The following FSTL4 variants were observed in gnomAD, a reference collection of about 807,000 sequenced individuals.
FSTL4 encodes follistatin like 4.
In FSTL4, 28 loss-of-function variants were observed where a neutral mutation model predicts 78.2. That is an observed-to-expected ratio of 0.36 (90% CI 0.27 to 0.49). The LOEUF is 0.49. FSTL4 is among the 20% of genes least tolerant of loss of function. The pLI is 0.98. For synonymous variants in FSTL4, 422 were observed against 440.5 expected (o/e 0.96, Z 0.53); for missense variants, 922 against 1,084.9 (o/e 0.85, Z 2.11).
intron 4 of FSTL4, among the ~76,000 whole-genome samples, chr5:133,336,502 GT>G (rs1754468417): frequency 6.6e-6 from 1 of 152,232 alleles, no homozygotes; most frequent in Admixed American, 6.5e-5. Flanking sequence ...TCAGCGTTGA[GT>G]GCTGAGAGCT....
chr5:133,241,941 A>T (rs929807576), intron 7 of FSTL4, among the ~76,000 whole-genome samples: 1 of 152,184 alleles, frequency 6.6e-6, no homozygotes, highest in Non-Finnish European at 1.5e-5. Context: ...GGCTCATTTC[A>T]GGGACCAAGA....
the FSTL4 span, among the ~76,000 whole-genome samples, chr5:133,782,077 C>T: frequency 6.6e-6 from 1 of 152,224 alleles, no homozygotes; most frequent in African/African-American, 2.4e-5. Flanking sequence ...ACCCCCACTG[C>T]TTCTCTGAAA....
intron 15 of FSTL4, 43 bp downstream of exon 15, chr5:133,201,890 C>T: frequency 1.7e-6 from 2 of 1,153,606 alleles, no homozygotes; most frequent in East Asian, 2.4e-5. Flanking sequence ...CAGGGCTGAG[C>T]TGGAGCGGGG....
chr5:133,797,906 T>C, the FSTL4 span, among the ~76,000 whole-genome samples: 1 of 152,066 alleles, frequency 6.6e-6, no homozygotes, highest in Non-Finnish European at 1.5e-5. Flanking sequence ...GTCAGTCTGC[T>C]CTAAAAACAA....
At chr5:133,435,952 T>C (rs934942723) in intron 3 of FSTL4, among the ~76,000 whole-genome samples, 6 of 152,228 alleles carry the variant, frequency 3.9e-5, no homozygotes, top group African/African-American at 1.4e-4. Context: ...AATCTCCTTA[T>C]GCCATTTGGC....
chr5:133,247,331 A>G (rs918170166), intron 7 of FSTL4: 3 of 152,240 alleles, frequency 2.0e-5, no homozygotes, highest in Non-Finnish European at 4.4e-5. Context: ...TGCTGGAGGC[A>G]TGTTTGAGGG....
At chr5:133,235,821 G>C (rs115099833) in intron 7 of FSTL4, among the ~76,000 whole-genome samples, 2,971 of 152,280 alleles carry the variant, frequency 0.02, 47 homozygotes, top group Middle Eastern at 0.034. Context: ...AGTCATAAAA[G>C]GTTCATATCT....
At chr5:133,455,203 G>A (rs879377293) in intron 3 of FSTL4, among the ~76,000 whole-genome samples, 4 of 152,322 alleles carry the variant, frequency 2.6e-5, no homozygotes, top group Non-Finnish European at 4.4e-5. Context: ...CCCATGTTTA[G>A]ATTTCCTCCT....
At chr5:133,722,631 T>G in the FSTL4 span, among the ~76,000 whole-genome samples, 1 of 152,236 alleles carries the variant, frequency 6.6e-6, no homozygotes, top group East Asian at 1.9e-4. Flanking sequence ...AGAGAATTAT[T>G]GTTTTCCCTT....
the FSTL4 span, among the ~76,000 whole-genome samples, chr5:133,824,074 C>T: frequency 6.6e-6 from 1 of 152,200 alleles, no homozygotes; most frequent in Non-Finnish European, 1.5e-5. Flanking sequence ...ACTTCTGACA[C>T]CAGATGCATG....
At chr5:133,407,863 A>C (rs1756396827) in intron 3 of FSTL4, among the ~76,000 whole-genome samples, 1 of 152,232 alleles carries the variant, frequency 6.6e-6, no homozygotes, top group Admixed American at 6.5e-5. Context: ...TAAAGTGAGC[A>C]TATGTTAAAG....
chr5:133,748,010 C>T, the FSTL4 span, among the ~76,000 whole-genome samples: 1 of 152,148 alleles, frequency 6.6e-6, no homozygotes, highest in East Asian at 1.9e-4. Context: ...TCCTGGCCAA[C>T]ATGGTGAAAC....
chr5:133,662,335 A>C, the FSTL4 span, among the ~76,000 whole-genome samples: 1 of 152,208 alleles, frequency 6.6e-6, no homozygotes, highest in African/African-American at 2.4e-5. Context: ...AATGCTCTGC[A>C]GTGCCATTAA....
At chr5:133,686,704 G>A in the FSTL4 span, among the ~76,000 whole-genome samples, 1 of 152,222 alleles carries the variant, frequency 6.6e-6, no homozygotes, top group South Asian at 2.1e-4. Flanking sequence ...GGGGATAAGG[G>A]AAATGACTTA....
intron 3 of FSTL4, among the ~76,000 whole-genome samples, chr5:133,532,586 G>A (rs879564744): frequency 2.0e-5 from 3 of 152,136 alleles, no homozygotes; most frequent in Non-Finnish European, 2.9e-5. Context: ...CCCCTCTCAT[G>A]AGCCACTCAT....
intron 7 of FSTL4, among the ~76,000 whole-genome samples, chr5:133,239,094 C>T (rs1313135117): frequency 5.3e-5 from 8 of 152,192 alleles, no homozygotes; most frequent in Non-Finnish European, 7.4e-5. Flanking sequence ...GGCTGCCAGC[C>T]GGCAAGCCCC....
intron 3 of FSTL4, among the ~76,000 whole-genome samples, chr5:133,458,815 C>T (rs1757540387): frequency 1.3e-5 from 2 of 152,228 alleles, no homozygotes. Context: ...GTAAAACCTG[C>T]AACCTTTTAG....
chr5:133,757,971 C>T, the FSTL4 span, among the ~76,000 whole-genome samples: 1 of 152,212 alleles, frequency 6.6e-6, no homozygotes, highest in African/African-American at 2.4e-5. Flanking sequence ...TAAAACAACT[C>T]ATTATATATG....
chr5:133,355,934 G>A (rs1272562358), intron 4 of FSTL4, among the ~76,000 whole-genome samples: 1 of 152,122 alleles, frequency 6.6e-6, no homozygotes. Context: ...AGTGAGGACC[G>A]ATGTCCAGGC....
Sources: gnomAD v4.1 joint callset for allele counts (sites outside exome capture counted in the v4.1 genomes callset) on GRCh38, gnomAD v4.1.1 for gene constraint, MANE v1.5 for transcripts, NCBI Gene and HGNC (gene_info 2026-07-23, HGNC 2026-07-21) for gene names.